AATF: variants seen among roughly 807,000 people sequenced by gnomAD.
The protein encoded by AATF is apoptosis antagonizing transcription factor, also known as protein AATF.
Under a neutral mutation model 63.7 loss-of-function variants are expected in AATF, and 48 were observed. The observed-to-expected ratio is 0.75, with a 90% confidence interval of 0.60 to 0.96. The LOEUF (loss-of-function observed/expected upper bound fraction) is 0.96, where lower values mean the gene tolerates loss of function less well. AATF is among the 40% of genes least tolerant of loss of function. The probability of loss-of-function intolerance (pLI) is 0.00; values close to 1 mark genes in which losing one functional copy is unlikely to be tolerated. For missense variants in AATF, 639 were observed against 685.7 expected (o/e 0.93, Z 0.76); for synonymous variants, 258 against 247.7 (o/e 1.04, Z -0.39).
intron 11 of AATF, among the ~76,000 whole-genome samples, chr17:37,036,027 C>T (rs2071589505): frequency 6.6e-6 from 1 of 152,090 alleles, no homozygotes. Flanking sequence ...GGGCTCAGGC[C>T]ATCCTCCCAC....
chr17:37,042,905 C>G (rs1372398899), intron 11 of AATF: 1 of 151,522 alleles, frequency 6.6e-6, no homozygotes, highest in Non-Finnish European at 1.5e-5. Flanking sequence ...CCACGCCTGG[C>G]TAATTTTTTG....
chr17:37,015,943 G>A (rs2071425931), intron 8 of AATF, among the ~76,000 whole-genome samples: 4 of 152,232 alleles, frequency 2.6e-5, no homozygotes, highest in Admixed American at 2.6e-4. Context: ...CACGAGAGGA[G>A]GTGGGTGGTA....
chr17:36,953,401 A>G (rs1020763293), intron 3 of AATF, 105 bp downstream of exon 3: 70 of 1,515,092 alleles, frequency 4.6e-5, no homozygotes, highest in Non-Finnish European at 5.2e-5. Context: ...TGTCCTTTCA[A>G]TTAGTTTGTG....
intron 4 of AATF, among the ~76,000 whole-genome samples, chr17:36,975,238 G>T (rs1305769586): frequency 6.6e-6 from 1 of 151,874 alleles, no homozygotes; most frequent in Non-Finnish European, 1.5e-5. Context: ...AATGCCTGCA[G>T]GTCTTTTTTT....
At chr17:36,949,721 G>A (rs548613362) in intron 1 of AATF, among the ~76,000 whole-genome samples, 3 of 152,368 alleles carry the variant, frequency 2.0e-5, no homozygotes, top group South Asian at 4.1e-4. Flanking sequence ...TGTTCTGTAA[G>A]CTGATGTTCA....
intron 8 of AATF, among the ~76,000 whole-genome samples, chr17:37,013,386 G>A (rs2071405993): frequency 6.6e-6 from 1 of 152,176 alleles, no homozygotes; most frequent in Non-Finnish European, 1.5e-5. Context: ...ACCTGAGAAT[G>A]GGTAATTTTT....
intron 11 of AATF, among the ~76,000 whole-genome samples, chr17:37,043,670 T>C (rs1415134037): frequency 6.6e-6 from 1 of 152,198 alleles, no homozygotes; most frequent in Non-Finnish European, 1.5e-5. Context: ...ATTGTAGTAT[T>C]TGCAAAACAC....
At chr17:36,978,194 CA>C (rs1268897209) in intron 4 of AATF, among the ~76,000 whole-genome samples, 4 of 151,922 alleles carry the variant, frequency 2.6e-5, no homozygotes, top group African/African-American at 9.7e-5. Flanking sequence ...TATATTTTAT[CA>C]TATGTCTCTT....
chr17:37,020,193 C>T (rs2071458588), intron 9 of AATF, among the ~76,000 whole-genome samples: 1 of 151,588 alleles, frequency 6.6e-6, no homozygotes, highest in Non-Finnish European at 1.5e-5. Flanking sequence ...ATATGTGAAT[C>T]TTGTTTGGAT....
chr17:37,049,780 CA>C (rs1323408946), intron 11 of AATF, among the ~76,000 whole-genome samples: 1 of 152,032 alleles, frequency 6.6e-6, no homozygotes, highest in Non-Finnish European at 1.5e-5. Flanking sequence ...TAGCATGTGC[CA>C]AGTGATAATT....
chr17:37,040,537 T>C (rs1283170923), intron 11 of AATF, among the ~76,000 whole-genome samples: 1 of 151,944 alleles, frequency 6.6e-6, no homozygotes, highest in Non-Finnish European at 1.5e-5. Flanking sequence ...AACAATTAAA[T>C]AACTTGCCTA....
intron 10 of AATF, among the ~76,000 whole-genome samples, chr17:37,030,150 A>G (rs1036517172): frequency 1.3e-5 from 2 of 148,550 alleles, no homozygotes; most frequent in African/African-American, 5.0e-5. Context: ...GTCTCAAGCA[A>G]TCCTTCTGCC....
chr17:37,019,628 C>T (rs1177335962), intron 9 of AATF, among the ~76,000 whole-genome samples: 2 of 152,138 alleles, frequency 1.3e-5, no homozygotes, highest in Non-Finnish European at 2.9e-5. Flanking sequence ...ATAAAAAGGG[C>T]ATTTAGAATG....
At chr17:37,031,322 C>T in intron 10 of AATF, 2 of 435,614 alleles carry the variant, frequency 4.6e-6, no homozygotes, top group South Asian at 3.1e-5. Flanking sequence ...TATATGGGAG[C>T]ATGTGTGTAG....
At chr17:37,051,697 G>GACAGACAGACAGACAGACACACACACAC (rs1242892984) in intron 11 of AATF, among the ~76,000 whole-genome samples, 1 of 137,140 alleles carries the variant, frequency 7.3e-6, no homozygotes, top group African/African-American at 2.8e-5. Flanking sequence ...CAGACAGACA[G>GACAGACAGACAGACAGACACACACACAC]ACACACACAC....
chr17:37,001,454 A>AGGAAG (rs1446251343), intron 8 of AATF, among the ~76,000 whole-genome samples: 4 of 126,672 alleles, frequency 3.2e-5, no homozygotes, highest in Non-Finnish European at 6.7e-5. Context: ...GAAGGAAGGA[A>AGGAAG]GAAAAAAAAA....
chr17:36,960,357 C>A (rs1296911563), intron 4 of AATF, among the ~76,000 whole-genome samples: 1 of 152,132 alleles, frequency 6.6e-6, no homozygotes, highest in East Asian at 1.9e-4. Flanking sequence ...ATAATAGATA[C>A]CTTAAATAAT....
At chr17:37,036,180 T>C (rs2071590712) in intron 11 of AATF, among the ~76,000 whole-genome samples, 1 of 152,224 alleles carries the variant, frequency 6.6e-6, no homozygotes, top group South Asian at 2.1e-4. Flanking sequence ...GTTCTTAGTT[T>C]ACCCACATCT....
At chr17:36,966,083 A>G (rs2070989416) in intron 4 of AATF, among the ~76,000 whole-genome samples, 1 of 150,472 alleles carries the variant, frequency 6.6e-6, no homozygotes, top group African/African-American at 2.4e-5. Flanking sequence ...TCTTCCTTCC[A>G]TTTTCTCTGT....
Sources: gnomAD v4.1 joint callset for allele counts (sites outside exome capture counted in the v4.1 genomes callset) on GRCh38, gnomAD v4.1.1 for gene constraint, MANE v1.5 for transcripts, NCBI Gene and HGNC (gene_info 2026-07-23, HGNC 2026-07-21) for gene names.